GMDS: variants seen among roughly 807,000 people sequenced by gnomAD.
The protein encoded by GMDS is GDP-mannose 4,6 dehydratase.
Under a neutral mutation model 49.9 loss-of-function variants are expected in GMDS, and 20 were observed. That is an observed-to-expected ratio of 0.40 (90% CI 0.28 to 0.58). GMDS has a LOEUF of 0.58. Among genes scored for constraint, GMDS ranks in the 20% least tolerant of loss-of-function variants. The probability of loss-of-function intolerance (pLI) is 0.42; values close to 1 mark genes in which losing one functional copy is unlikely to be tolerated. For synonymous variants in GMDS, 177 were observed against 178.6 expected (o/e 0.99, Z 0.07); for missense variants, 362 against 481.4 (o/e 0.75, Z 2.32).
At chr6:1,695,907 G>GTTTTTTTTTTTTTTCT (rs1765320103) in intron 9 of GMDS, among the ~76,000 whole-genome samples, 4 of 124,410 alleles carry the variant, frequency 3.2e-5, no homozygotes, top group African/African-American at 9.2e-5. Flanking sequence ...TTCTGTCTTG[G>GTTTTTTTTTTTTTTCT]TTTTTTTTTT....
At chr6:2,003,420 A>C (rs1372244319) in intron 4 of GMDS, among the ~76,000 whole-genome samples, 5 of 152,192 alleles carry the variant, frequency 3.3e-5, no homozygotes, top group Non-Finnish European at 7.3e-5. Flanking sequence ...GCCAAGCGAA[A>C]TGACTAGTGT....
intron 4 of GMDS, among the ~76,000 whole-genome samples, chr6:2,075,677 T>G (rs1772295405): frequency 6.6e-6 from 1 of 152,232 alleles, no homozygotes; most frequent in Admixed American, 6.5e-5. Flanking sequence ...TTGGGTTGGT[T>G]CCAAGTCTTT....
At position 1,766,295 on chromosome 6, in the gene GMDS, C is replaced by A. The variant is rs529912258; in HGVS notation, c.772-23709G>T. On this transcript the variant is annotated intron_variant, in intron 7 of 10. Transcript: ENST00000380815. This position sits in a 1 kb window ranked among gnomAD's most constrained non-coding sequence, Gnocchi z 4.5. ...TTGGACAGGAGCAAAGACCACAGAACTTTCGAGGCAGCAGATTCATTTGGG... is the reference window on the plus strand; with the variant it reads ...TTGGACAGGAGCAAAGACCACAGAAATTTCGAGGCAGCAGATTCATTTGGG... Among the ~76,000 whole-genome samples the A allele has an allele frequency of 1.8e-4, 28 of 152,260 alleles. 1 individual carries two copies. The South Asian group carries it at 4.6e-3, about 25-fold the overall frequency.
chr6:1,964,915 T>C (rs1362517169), intron 4 of GMDS, among the ~76,000 whole-genome samples: 2 of 152,242 alleles, frequency 1.3e-5, no homozygotes, highest in South Asian at 2.1e-4. Flanking sequence ...AATGAGAACA[T>C]GTGGTGTTTG....
chr6:2,110,623 G>T (rs1256332796), intron 4 of GMDS, among the ~76,000 whole-genome samples: 6 of 152,126 alleles, frequency 3.9e-5, no homozygotes, highest in Non-Finnish European at 8.8e-5. Context: ...TCCACAGTCA[G>T]AATCTGCTAA....
At chr6:2,160,268 T>C (rs964791352) in intron 1 of GMDS, among the ~76,000 whole-genome samples, 2 of 152,214 alleles carry the variant, frequency 1.3e-5, no homozygotes, top group African/African-American at 4.8e-5. Context: ...TAACAATTTC[T>C]CATCAGAAGA....
At chr6:2,177,930 A>G (rs1013859295) in intron 1 of GMDS, among the ~76,000 whole-genome samples, 1 of 152,242 alleles carries the variant, frequency 6.6e-6, no homozygotes, top group African/African-American at 2.4e-5. Flanking sequence ...CGTGGTATCT[A>G]TACACCATGG....
At chr6:2,081,554 G>C (rs1301993817) in intron 4 of GMDS, among the ~76,000 whole-genome samples, 1 of 151,744 alleles carries the variant, frequency 6.6e-6, no homozygotes, top group Non-Finnish European at 1.5e-5. Flanking sequence ...TCTGCAGCTT[G>C]CTCCCCTGAC....
At chr6:2,072,393 C>T (rs1772069103) in intron 4 of GMDS, among the ~76,000 whole-genome samples, 1 of 152,150 alleles carries the variant, frequency 6.6e-6, no homozygotes, top group African/African-American at 2.4e-5. Flanking sequence ...TGAAGGCAGC[C>T]TGCCTATCCT....
chr6:1,735,414 G>A (rs1766967247), intron 8 of GMDS, among the ~76,000 whole-genome samples: 1 of 152,212 alleles, frequency 6.6e-6, no homozygotes, highest in Non-Finnish European at 1.5e-5. Flanking sequence ...AGAGAGCCAG[G>A]GTGCTGTCAG....
intron 9 of GMDS, among the ~76,000 whole-genome samples, chr6:1,698,802 T>TG (rs1450592798): frequency 6.6e-6 from 1 of 151,016 alleles, no homozygotes. Flanking sequence ...TTTTTTTTTT[T>TG]TTTGGTGGGG....
chr6:1,743,275 A>T (rs34669469), intron 7 of GMDS, among the ~76,000 whole-genome samples: 3 of 151,954 alleles, frequency 2.0e-5, no homozygotes, highest in Non-Finnish European at 4.4e-5. Flanking sequence ...GATGTCTAGC[A>T]GGGCGCGGTG....
chr6:2,142,255 G>A (rs1472553215), intron 1 of GMDS, among the ~76,000 whole-genome samples: 2 of 152,152 alleles, frequency 1.3e-5, no homozygotes, highest in African/African-American at 2.4e-5. Context: ...ATCTGTTATA[G>A]GTCGAATTCT....
intron 7 of GMDS, among the ~76,000 whole-genome samples, chr6:1,840,898 C>A (rs1351669591): frequency 2.0e-5 from 3 of 152,198 alleles, no homozygotes; most frequent in African/African-American, 7.2e-5. Context: ...GATCTGGCAG[C>A]CACTAATGAC....
Position 2,214,808 on chromosome 6 carries a change from T to C in GMDS, c.102+30513A>G, listed in dbSNP as rs556922542. Among the ~76,000 whole-genome samples, 26 of 152,316 alleles carry C rather than the reference T, an allele frequency of 1.7e-4. No homozygotes were observed. The East Asian group carries it at 5.0e-3, about 29-fold the overall frequency. ...GGGATTACAGGCAAGAGCCACCATA[T>C]CCAGCAGGAGCTTCTCTTTTTAAAA... is the stretch of plus-strand genomic sequence containing the variant. On this transcript the variant is annotated intron_variant, in intron 1 of 10. Coordinates refer to ENST00000380815, the MANE Select transcript of GMDS (RefSeq NM_001500.4).
rs114183290 is a variant in GMDS at position 1,645,778 on chromosome 6, G to A, written c.988-21238C>T. Among the ~76,000 whole-genome samples the A allele has an allele frequency of 7.5e-3, 1,147 of 152,276 alleles. 14 individuals are homozygous for A. The highest frequency in any genetic ancestry group is 0.027 in the African/African-American group (1,111 of 41,554). On this transcript the variant is annotated intron_variant, in intron 9 of 10. Coordinates refer to ENST00000380815, the MANE Select transcript of GMDS (RefSeq NM_001500.4). ...AGCCAGTGCCCATGGCCACCGCAGC[G>A]TCACCCTGTCTACAGCAAGCATCTC...
chr6:1,627,031 T>G (rs773248733), intron 9 of GMDS, among the ~76,000 whole-genome samples: 4 of 152,222 alleles, frequency 2.6e-5, no homozygotes, highest in Non-Finnish European at 5.9e-5. Flanking sequence ...CTCCCTGAAA[T>G]TTAATTAGAC....
Position 2,056,217 on chromosome 6 carries a change from A to C in GMDS, c.345+59554T>G, listed in dbSNP as rs1770769642. ...TAACTCCTTCAATTATCACAAATTA[A>C]GCTCTACAAGATAGATACTATTATC... On this transcript the variant is annotated intron_variant, in intron 4 of 10. Transcript: ENST00000380815. Among the ~76,000 whole-genome samples, 3 of 152,340 alleles carry C rather than the reference A, an allele frequency of 2.0e-5. No individual in the cohort carries two copies. In the South Asian group the frequency reaches 6.2e-4, roughly 32 times the overall value.
chr6:1,880,217 A>G (rs1002502782), intron 7 of GMDS, among the ~76,000 whole-genome samples: 1 of 146,418 alleles, frequency 6.8e-6, no homozygotes, highest in African/African-American at 2.5e-5. Flanking sequence ...GGAGGCTGAG[A>G]TGGGAGGACT....
Sources: gnomAD v4.1 joint callset for allele counts (sites outside exome capture counted in the v4.1 genomes callset) on GRCh38, gnomAD v4.1.1 for gene constraint, Gnocchi (gnomAD v3.1) non-coding constraint, MANE v1.5 for transcripts, NCBI Gene and HGNC (gene_info 2026-07-23, HGNC 2026-07-21) for gene names.